Variants in C6 observed in about 807,000 individuals in gnomAD.
C6 encodes the protein complement component C6.
Under a neutral mutation model 112.9 loss-of-function variants are expected in C6, and 101 were observed. That is an observed-to-expected ratio of 0.89 (90% confidence interval 0.76 to 1.06). The LOEUF is 1.06. C6 is among the 50% of genes least tolerant of loss of function. The pLI is 0.00. For missense variants in C6, 1,202 were observed against 1,104.6 expected (o/e 1.09, Z -1.25); for synonymous variants, 431 against 384.1 (o/e 1.12, Z -1.43).
chr5:41,246,841 T>G (rs1053598165), intron 1 of C6, among the ~76,000 whole-genome samples: 1 of 152,190 alleles, frequency 6.6e-6, no homozygotes, highest in Non-Finnish European at 1.5e-5. Flanking sequence ...AAGGAAAATT[T>G]GGGATAAATA....
rs916877458 is a variant in C6, at chr5:41,200,025, T to C, written c.301-113A>G. On this transcript the variant is annotated intron_variant, in intron 3 of 17. Transcript: ENST00000337836. ...GTGATTTTTCCTATGGTAATATTTC[T>C]TATATTTTTACTAATGATTCTTCCA... The C allele has an allele frequency of 4.2e-5, 39 of 935,060 alleles. No individual in the cohort carries two copies. In the African/African-American group the frequency reaches 5.1e-4, roughly 12 times the overall value. 57.9% of individuals were successfully genotyped at this position (935,060 alleles called of 1,614,324 possible). A position where few individuals can be genotyped will look rare whatever the true frequency, so the allele number is the denominator to read the frequency against.
At chr5:41,213,089 G>C (rs1752046547) in intron 1 of C6, 1 of 152,148 alleles carries the variant, frequency 6.6e-6, no homozygotes, top group Admixed American at 6.6e-5. Context: ...AAGCTGGGTA[G>C]TCCAGGTGCA....
intron 7 of C6, among the ~76,000 whole-genome samples, chr5:41,178,382 A>G (rs1284071329): frequency 6.6e-6 from 1 of 150,684 alleles, no homozygotes; most frequent in Non-Finnish European, 1.5e-5. Context: ...ACTTGGATTG[A>G]TTTTCAATTT....
rs1056117848 is a variant in C6 at position 41,155,198 on chromosome 5, T to C, written c.1969-94A>G. The C allele has an allele frequency of 1.3e-5, 16 of 1,205,290 alleles. No individual in the cohort carries two copies. The African/African-American group carries it at 2.4e-4, about 18-fold the overall frequency. 74.7% of individuals were successfully genotyped at this position (1,205,290 alleles called of 1,614,324 possible). A position where few individuals can be genotyped will look rare whatever the true frequency, so the allele number is the denominator to read the frequency against. On this transcript the variant is annotated intron_variant, in intron 13 of 17. Coordinates refer to ENST00000337836, the MANE Select transcript of C6 (RefSeq NM_000065.5). ...ACTGATCCTTTCTATCCTTCACTTC[T>C]GGATCTACTCAGTCACCAAGTCCTC... is the stretch of plus-strand genomic sequence containing the variant.
intron 1 of C6, among the ~76,000 whole-genome samples, chr5:41,232,663 AT>A (rs1287730215): frequency 6.6e-6 from 1 of 152,076 alleles, no homozygotes; most frequent in African/African-American, 2.4e-5. Flanking sequence ...AGTAAAAAAA[AT>A]TTTAAGTCAT....
chr5:41,149,532 C>T (rs1746178140), intron 16 of C6, 50 bp from the exon 17 acceptor site: 3 of 1,609,500 alleles, frequency 1.9e-6, no homozygotes, highest in Non-Finnish European at 2.5e-6. Flanking sequence ...CAGAAAAAAA[C>T]AGGGGGCACG....
chr5:41,247,547 C>T (rs1480092922), intron 1 of C6, among the ~76,000 whole-genome samples: 4 of 151,918 alleles, frequency 2.6e-5, no homozygotes, highest in African/African-American at 9.7e-5. Flanking sequence ...GAAACCCCAT[C>T]TCTAATAAAA....
At chr5:41,165,431 C>A (rs1747897192) in intron 9 of C6, among the ~76,000 whole-genome samples, 1 of 152,222 alleles carries the variant, frequency 6.6e-6, no homozygotes, top group Non-Finnish European at 1.5e-5. Flanking sequence ...GTTCTACTGC[C>A]AATACTTGTT....
Position 41,142,813 on chromosome 5 carries a change from G to A in C6, c.*12C>T. The A allele has an allele frequency of 6.2e-7, 1 of 1,602,202 alleles. No individual in the cohort carries two copies. The highest frequency in any genetic ancestry group is 8.6e-7 in the Non-Finnish European group (1 of 1,169,388). ...AAATCTGTTCATTGTGCTGGGCCTA[G>A]CAGTAATTGTGCTAGGCCAAACACT... On this transcript the variant is annotated 3_prime_UTR_variant, in exon 18 of 18. Coordinates refer to ENST00000337836, the MANE Select transcript of C6 (RefSeq NM_000065.5).
At chr5:41,225,490 C>G (rs1378524485) in intron 1 of C6, among the ~76,000 whole-genome samples, 1 of 152,018 alleles carries the variant, frequency 6.6e-6, no homozygotes, top group Non-Finnish European at 1.5e-5. Flanking sequence ...GGGTTGGTTC[C>G]AAGTCTTTGC....
chr5:41,220,892 C>T (rs569709913), intron 1 of C6, among the ~76,000 whole-genome samples: 13 of 152,132 alleles, frequency 8.5e-5, no homozygotes, highest in African/African-American at 2.9e-4. Context: ...ATGTCTATTG[C>T]TCTCATCTTT....
chr5:41,200,888 GTTGTTTTTT>G (rs1385548658), intron 3 of C6, among the ~76,000 whole-genome samples: 28 of 66,824 alleles, frequency 4.2e-4, no homozygotes, highest in East Asian at 1.7e-3. Context: ...TGTTGTTGTT[GTTGTTTTTT>G]TTTTTTTTTT....
intron 1 of C6, among the ~76,000 whole-genome samples, chr5:41,247,485 A>G (rs772388557): frequency 1.3e-5 from 2 of 152,130 alleles, no homozygotes; most frequent in African/African-American, 4.8e-5. Context: ...TACCTAACCA[A>G]TTTGGGTGGA....
chr5:41,246,899 A>T (rs1051047914), intron 1 of C6, among the ~76,000 whole-genome samples: 1 of 152,228 alleles, frequency 6.6e-6, no homozygotes, highest in African/African-American at 2.4e-5. Flanking sequence ...TAAAATATTT[A>T]CCTCTAGAAG....
At chr5:41,161,596 G>A (rs924867630) in intron 10 of C6, 97 bp downstream of exon 10, 2 of 1,005,098 alleles carry the variant, frequency 2.0e-6, no homozygotes, top group Non-Finnish European at 3.2e-6. Flanking sequence ...TTCTTTCATT[G>A]TCTGAGAAGA....
chr5:41,237,019 T>A (rs2150420277), intron 1 of C6, among the ~76,000 whole-genome samples: 1 of 151,272 alleles, frequency 6.6e-6, no homozygotes, highest in South Asian at 2.1e-4. Flanking sequence ...CTCCCAAGAC[T>A]AAACCAGGAA....
intron 1 of C6, among the ~76,000 whole-genome samples, chr5:41,211,920 G>T (rs1051612625): frequency 6.6e-6 from 1 of 152,052 alleles, no homozygotes; most frequent in Non-Finnish European, 1.5e-5. Flanking sequence ...AAGCTTGAAA[G>T]GTATGGGTGA....
At chr5:41,256,247 A>G (rs555426785) in intron 1 of C6, among the ~76,000 whole-genome samples, 2 of 152,082 alleles carry the variant, frequency 1.3e-5, no homozygotes, top group East Asian at 3.9e-4. Flanking sequence ...CGCAATAAAC[A>G]TACGTGTGCA....
intron 15 of C6, among the ~76,000 whole-genome samples, chr5:41,153,329 G>A (rs957956747): frequency 1.1e-4 from 16 of 152,296 alleles, no homozygotes; most frequent in Admixed American, 9.8e-4. Flanking sequence ...CTAAGGGCAC[G>A]TGTGTGCACA....
Sources: allele counts gnomAD v4.1 joint callset (sites outside exome capture counted in the v4.1 genomes callset), GRCh38; gene constraint gnomAD v4.1.1; transcripts MANE v1.5; gene names NCBI Gene and HGNC (gene_info 2026-07-23, HGNC 2026-07-21).